The following GNAO1 variants were observed in gnomAD, a reference collection of about 807,000 sequenced individuals.
GNAO1 encodes the protein guanine nucleotide-binding protein G(o) subunit alpha.
For missense variants in GNAO1, 166 were observed against 478.7 expected (o/e 0.35, Z 6.10); for synonymous variants, 164 against 180.7 (o/e 0.91, Z 0.74).
chr16:56,194,684 G>T (rs1452021565), intron 2 of GNAO1: 2 of 167,842 alleles, frequency 1.2e-5, no homozygotes, highest in Non-Finnish European at 2.6e-5. Flanking sequence ...GGAGTGCGCA[G>T]GAGGGGAAGG....
intron 3 of GNAO1, among the ~76,000 whole-genome samples, chr16:56,288,956 A>G (rs768031820): frequency 2.6e-5 from 4 of 151,924 alleles, no homozygotes; most frequent in Non-Finnish European, 5.9e-5. Flanking sequence ...TTTTAGTTCT[A>G]TAAATTCCCC....
chr16:56,269,108 G>A (rs1340511067), intron 2 of GNAO1, among the ~76,000 whole-genome samples: 3 of 152,198 alleles, frequency 2.0e-5, no homozygotes, highest in Admixed American at 6.5e-5. Context: ...TCAGTGTTCA[G>A]AAACATATTT....
At chr16:56,202,900 T>G (rs1319634282) in intron 2 of GNAO1, among the ~76,000 whole-genome samples, 2 of 152,222 alleles carry the variant, frequency 1.3e-5, no homozygotes, top group African/African-American at 4.8e-5. Flanking sequence ...GATGAACAAA[T>G]CAAGTCCCAG....
intron 2 of GNAO1, among the ~76,000 whole-genome samples, chr16:56,238,186 A>C (rs2036659429): frequency 6.7e-6 from 1 of 150,164 alleles, no homozygotes; most frequent in Non-Finnish European, 1.5e-5. Flanking sequence ...TAGCCACAAG[A>C]GGAGGTTTTC....
At chr16:56,194,421 G>T (rs1332301312) in intron 2 of GNAO1, 1 of 367,794 alleles carries the variant, frequency 2.7e-6, no homozygotes, top group African/African-American at 2.1e-5. Flanking sequence ...AGCAGTGGCG[G>T]ACTCGGAGCC....
At chr16:56,238,243 C>T (rs2036660027) in intron 2 of GNAO1, among the ~76,000 whole-genome samples, 2 of 152,190 alleles carry the variant, frequency 1.3e-5, no homozygotes, top group Non-Finnish European at 2.9e-5. Context: ...CTGACAGCCT[C>T]TGAGGTACCA....
At chr16:56,350,208 C>T (rs1415375268) in intron 6 of GNAO1, among the ~76,000 whole-genome samples, 2 of 152,186 alleles carry the variant, frequency 1.3e-5, no homozygotes, top group African/African-American at 2.4e-5. Flanking sequence ...CCAGTGGCAT[C>T]TACACCAGCT....
chr16:56,323,321 AT>A (rs2037596004), intron 3 of GNAO1, among the ~76,000 whole-genome samples: 1 of 152,230 alleles, frequency 6.6e-6, no homozygotes, highest in African/African-American at 2.4e-5. Context: ...AACTCTGGAA[AT>A]TATGCCTTAA....
intron 2 of GNAO1, among the ~76,000 whole-genome samples, chr16:56,203,182 T>C (rs962952399): frequency 6.6e-6 from 1 of 152,004 alleles, no homozygotes; most frequent in Non-Finnish European, 1.5e-5. Flanking sequence ...CACTGTTGTT[T>C]TACTCCACCG....
intron 5 of GNAO1, among the ~76,000 whole-genome samples, chr16:56,335,847 A>G (rs1383452170): frequency 6.6e-6 from 1 of 152,184 alleles, no homozygotes; most frequent in African/African-American, 2.4e-5. Flanking sequence ...TCAGATGGGG[A>G]GGTGGGATCC....
intron 2 of GNAO1, among the ~76,000 whole-genome samples, chr16:56,231,697 C>T (rs1321051962): frequency 2.0e-5 from 3 of 152,218 alleles, no homozygotes; most frequent in African/African-American, 7.2e-5. Flanking sequence ...AAAAGAGCTG[C>T]TTCAAGGGGC....
At chr16:56,327,447 C>T (rs1480685701) in intron 3 of GNAO1, among the ~76,000 whole-genome samples, 2 of 151,796 alleles carry the variant, frequency 1.3e-5, no homozygotes, top group African/African-American at 4.8e-5. Context: ...GGTGAAAGGC[C>T]CAACGACACA....
At chr16:56,349,757 G>C (rs2037904257) in intron 6 of GNAO1, among the ~76,000 whole-genome samples, 1 of 152,182 alleles carries the variant, frequency 6.6e-6, no homozygotes, top group Non-Finnish European at 1.5e-5. Context: ...TGAGAACGCT[G>C]CCCTCCGCCG....
chr16:56,249,376 A>T (rs963674140), intron 2 of GNAO1, among the ~76,000 whole-genome samples: 2 of 152,144 alleles, frequency 1.3e-5, no homozygotes, highest in African/African-American at 4.8e-5. Context: ...TGGCCTCACC[A>T]TCTCAACACA....
chr16:56,340,773 C>G, intron 6 of GNAO1: 2 of 1,501,568 alleles, frequency 1.3e-6, no homozygotes. Flanking sequence ...GTGTCATTGG[C>G]CGCGGTGGGT....
chr16:56,238,300 A>C (rs756000005), intron 2 of GNAO1, among the ~76,000 whole-genome samples: 32 of 152,298 alleles, frequency 2.1e-4, no homozygotes, highest in South Asian at 1.0e-3. Context: ...CTTCTCTCTT[A>C]ATCCAGAAAA....
intron 2 of GNAO1, among the ~76,000 whole-genome samples, chr16:56,195,178 A>G (rs1034268587): frequency 1.1e-4 from 16 of 151,372 alleles, no homozygotes; most frequent in Non-Finnish European, 2.9e-5. Flanking sequence ...AAAGCACAAT[A>G]CACCAACTCT....
intron 2 of GNAO1, among the ~76,000 whole-genome samples, chr16:56,274,440 G>C (rs2143517363): frequency 6.6e-6 from 1 of 152,290 alleles, no homozygotes; most frequent in Non-Finnish European, 1.5e-5. Context: ...GGGTCATTCT[G>C]ATCTGCTTTT....
chr16:56,254,216 T>C (rs2036826341), intron 2 of GNAO1, among the ~76,000 whole-genome samples: 1 of 152,164 alleles, frequency 6.6e-6, no homozygotes, highest in African/African-American at 2.4e-5. Context: ...GTAATTCAAA[T>C]TATATTTTTT....
Sources: allele counts gnomAD v4.1 joint callset (sites outside exome capture counted in the v4.1 genomes callset), GRCh38; gene constraint gnomAD v4.1.1; transcripts MANE v1.5; gene names NCBI Gene and HGNC (gene_info 2026-07-23, HGNC 2026-07-21).